The following C5 variants were observed in gnomAD, a reference collection of about 807,000 sequenced individuals.
C5 encodes C3 and PZP-like alpha-2-macroglobulin domain-containing protein 4.
C5 carries 140 observed loss-of-function variants against 218.8 expected under a neutral mutation model. That is an observed-to-expected ratio of 0.64 (90% CI 0.56 to 0.74). The LOEUF is 0.74. C5 is among the 30% of genes least tolerant of loss of function. The pLI, the probability that C5 is intolerant of heterozygous loss-of-function variation, is 0.00. For missense variants in C5, 1,700 were observed against 1,969.6 expected, an observed-to-expected ratio of 0.86 and a Z score of 2.59; for synonymous variants, 614 against 682.3, an observed-to-expected ratio of 0.90 and a Z score of 1.56.
At chr9:120,996,675 C>G (rs1236374157) in intron 21 of C5, among the ~76,000 whole-genome samples, 2 of 152,300 alleles carry the variant, frequency 1.3e-5, no homozygotes, top group East Asian at 3.9e-4. Context: ...GGTGATGGAG[C>G]CAAGATTCAA....
At chr9:121,051,573 TATA>T (rs781086161), upstream of C5, among the ~76,000 whole-genome samples, 5 of 152,334 alleles carry the variant, frequency 3.3e-5, no homozygotes, top group Admixed American at 2.0e-4. Flanking sequence ...AACATATTTC[TATA>T]ATGAGATATT....
intron 3 of C5, among the ~76,000 whole-genome samples, chr9:121,038,321 T>G (rs1470737717): frequency 6.6e-6 from 1 of 152,182 alleles, no homozygotes; most frequent in Non-Finnish European, 1.5e-5. Context: ...CATCACCATA[T>G]GGTTATAGAG....
At chr9:121,009,813 G>T (rs2047246862) in intron 17 of C5, among the ~76,000 whole-genome samples, 2 of 152,188 alleles carry the variant, frequency 1.3e-5, no homozygotes, top group Admixed American at 6.5e-5. Context: ...CCCTAGCAGT[G>T]ACTGTGCAGC....
chr9:121,035,822 C>T (rs1393800121), intron 4 of C5, among the ~76,000 whole-genome samples: 4 of 152,002 alleles, frequency 2.6e-5, no homozygotes, highest in Non-Finnish European at 2.9e-5. Context: ...GCAATCCTCC[C>T]ATTTTAGCCT....
chr9:120,960,473 C>A, intron 37 of C5, 136 bp from the exon 38 acceptor site: 1 of 654,428 alleles, frequency 1.5e-6, no homozygotes, highest in Non-Finnish European at 2.7e-6. Context: ...TAAGACCTGC[C>A]CATTTTCTTT....
intron 30 of C5, among the ~76,000 whole-genome samples, chr9:120,973,797 G>A (rs1410474613): frequency 6.6e-6 from 1 of 152,078 alleles, no homozygotes; most frequent in Non-Finnish European, 1.5e-5. Context: ...TGGCCAAATG[G>A]TGAAACCCCA....
chr9:121,024,260 A>G (rs1211074934), intron 9 of C5, among the ~76,000 whole-genome samples: 1 of 296 alleles, frequency 3.4e-3, no homozygotes, highest in Admixed American at 0.033. Flanking sequence ...GGGAGGGGGG[A>G]GTGGGAGGGG....
At chr9:121,002,265 T>A (rs1210682154) in intron 20 of C5, among the ~76,000 whole-genome samples, 4 of 101,294 alleles carry the variant, frequency 3.9e-5, no homozygotes, top group Non-Finnish European at 8.0e-5. Context: ...TATATATGTA[T>A]ATATATGTAT....
chr9:120,981,590 T>G (rs560832890), intron 27 of C5, among the ~76,000 whole-genome samples: 1 of 152,240 alleles, frequency 6.6e-6, no homozygotes, highest in Non-Finnish European at 1.5e-5. Flanking sequence ...TTTATTAGCC[T>G]GTGACACTGG....
At chr9:120,999,805 G>C in intron 20 of C5, 1 of 406,910 alleles carries the variant, frequency 2.5e-6, no homozygotes. Context: ...TATCACAGAT[G>C]TACTTGTTTC....
At position 121,005,940 on chromosome 9, in the gene C5, G is replaced by A; in HGVS notation, c.2541C>T (p.Asn847=). ...TTACCTGCATCCCAGAAGTCCTATAGTTGTAAACAGTTCCTTTCAATTGGA... is the reference window on the plus strand; with the variant it reads ...TTACCTGCATCCCAGAAGTCCTATAATTGTAAACAGTTCCTTTCAATTGGA... ...EQIQLKGTVY[N]YRTSGMQFCV... Residue 847 remains asparagine (N), a synonymous_variant, in exon 20 of 41, where the codon AAC becomes AAT. Coordinates refer to ENST00000223642, the MANE Select transcript of C5 (RefSeq NM_001735.3). The A allele has an allele frequency of 6.2e-7, 1 of 1,613,502 alleles. No homozygotes were observed. Among genetic ancestry groups the A allele is most frequent in the Non-Finnish European group, 8.5e-7 (1 of 1,179,658 alleles).
chr9:121,060,025 G>A, the C5 span, among the ~76,000 whole-genome samples: 68 of 152,334 alleles, frequency 4.5e-4, no homozygotes, highest in East Asian at 0.013. Flanking sequence ...ACGTCATTAA[G>A]TTTGGGGGAA....
Position 120,989,084 on chromosome 9 carries a change from G to A in C5, c.3192C>T (p.Tyr1064=). The A allele has an allele frequency of 6.2e-7, 1 of 1,613,952 alleles. No homozygotes were observed. ...LSIMSYRNAD[Y]SYSVWKGGSA... is the part of the protein sequence containing the mutation. The stretch of plus-strand genomic sequence containing the variant: ...TTCCACCCTTCCACACACTGTAAGA[G>A]TAGTCAGCATTTCTGTAGGACATAA... Residue 1064 remains tyrosine, a synonymous_variant, in exon 25 of 41, where the codon TAC becomes TAT. Coordinates refer to ENST00000223642, the MANE Select transcript of C5 (RefSeq NM_001735.3).
At chr9:120,961,368 A>G in intron 37 of C5, 114 bp downstream of exon 37, 1 of 733,408 alleles carries the variant, frequency 1.4e-6, no homozygotes. Flanking sequence ...CTGAGATAGC[A>G]TTTCTACTTC....
At chr9:121,002,718 T>C (rs1305410889) in intron 20 of C5, among the ~76,000 whole-genome samples, 1 of 152,092 alleles carries the variant, frequency 6.6e-6, no homozygotes, top group African/African-American at 2.4e-5. Flanking sequence ...CTTTGGTATC[T>C]CTATCTGAGT....
In C5 at chr9:121,025,419, T is replaced by TACCCAC. The variant is rs1554724225; in HGVS notation, c.1000+34_1000+35insGTGGGT. ...TCTAAATATTTTTCAAAAGAAAGTA[T>TACCCAC]ACACACACACACACACACACACACA... is the stretch of plus-strand genomic sequence containing the variant. On this transcript the variant is annotated intron_variant, in intron 9 of 40. Transcript: ENST00000223642. The TACCCAC allele has an allele frequency of 1.4e-3, 2,001 of 1,437,380 alleles. 26 individuals carry two copies. The African/African-American group carries it at 0.025, about 18-fold the overall frequency. 89.0% of individuals were successfully genotyped at this position (1,437,380 alleles called of 1,614,324 possible).
the C5 span, among the ~76,000 whole-genome samples, chr9:121,073,282 C>T: frequency 6.6e-6 from 1 of 152,172 alleles, no homozygotes; most frequent in Non-Finnish European, 1.5e-5. Flanking sequence ...AAGCTCTTTT[C>T]CCCCGCTTCC....
intron 1 of C5, among the ~76,000 whole-genome samples, chr9:121,049,892 T>C (rs2047658705): frequency 6.6e-6 from 1 of 152,114 alleles, no homozygotes; most frequent in Admixed American, 6.6e-5. Flanking sequence ...AAGCAAAAAA[T>C]GTCAAGAAAG....
chr9:121,056,113 T>G, the C5 span, among the ~76,000 whole-genome samples: 1 of 152,224 alleles, frequency 6.6e-6, no homozygotes, highest in African/African-American at 2.4e-5. Flanking sequence ...CTTTGAATTC[T>G]TGGAAAACCT....
Sources: allele counts gnomAD v4.1 joint callset (sites outside exome capture counted in the v4.1 genomes callset), GRCh38; gene constraint gnomAD v4.1.1; transcripts MANE v1.5; gene names NCBI Gene and HGNC (gene_info 2026-07-23, HGNC 2026-07-21).